The following NKAIN2 variants were observed in gnomAD, a reference collection of about 807,000 sequenced individuals.
The protein encoded by NKAIN2 is sodium/potassium-transporting ATPase subunit beta-1-interacting protein 2.
NKAIN2 carries 14 observed loss-of-function variants against 32.6 expected under a neutral mutation model. The ratio of observed to expected loss-of-function variants is 0.43; its 90% CI spans 0.28 to 0.67. NKAIN2 has a LOEUF of 0.67. NKAIN2 is among the 30% of genes least tolerant of loss of function. The probability of loss-of-function intolerance (pLI) is 0.17; values close to 1 mark genes in which losing one functional copy is unlikely to be tolerated. For synonymous variants in NKAIN2, 80 were observed against 87.2 expected (o/e 0.92, Z 0.46); for missense variants, 198 against 258.3 (o/e 0.77, Z 1.60).
rs753773570 is a variant in NKAIN2 at position 124,282,993 on chromosome 6, T to G, written c.55-12T>G. 2 of 1,613,536 alleles carry G rather than the reference T, an allele frequency of 1.2e-6. No individual in the cohort carries two copies. The highest frequency in any genetic ancestry group is 2.2e-5 in the South Asian group (2 of 91,066). ...CACATGCTGATCTGTCCATCCTGTT[T>G]TGCTATTCTAGGTTTGTGTGCTGGA... On this transcript the variant is annotated splice_polypyrimidine_tract_variant and intron_variant, in intron 1 of 6. Coordinates refer to ENST00000368417, the MANE Select transcript of NKAIN2 (RefSeq NM_001040214.3).
intron 1 of NKAIN2, among the ~76,000 whole-genome samples, chr6:124,073,594 A>AGG (rs1562342301): frequency 1.3e-5 from 2 of 152,096 alleles, no homozygotes; most frequent in African/African-American, 4.8e-5. Context: ...CCTTTCCACA[A>AGG]TAGGTATTTG....
At chr6:124,656,974 C>T (rs1431161046) in intron 3 of NKAIN2, among the ~76,000 whole-genome samples, 3 of 152,142 alleles carry the variant, frequency 2.0e-5, no homozygotes, top group Non-Finnish European at 4.4e-5. Context: ...CTTTTCTCAA[C>T]AGGCTTGCAA....
intron 1 of NKAIN2, among the ~76,000 whole-genome samples, chr6:123,858,867 G>C (rs572683324): frequency 6.6e-6 from 1 of 152,288 alleles, no homozygotes; most frequent in South Asian, 2.1e-4. Flanking sequence ...ATGGTGATGG[G>C]AATGGATCTG....
At chr6:124,290,399 T>G (rs1795747763) in intron 2 of NKAIN2, among the ~76,000 whole-genome samples, 1 of 152,064 alleles carries the variant, frequency 6.6e-6, no homozygotes, top group African/African-American at 2.4e-5. Context: ...GATTATGTAG[T>G]TTTTTTAATC....
intron 4 of NKAIN2, among the ~76,000 whole-genome samples, chr6:124,714,498 G>A (rs1454784182): frequency 6.6e-6 from 1 of 152,128 alleles, no homozygotes; most frequent in Admixed American, 6.5e-5. Flanking sequence ...AAAGCCTTTT[G>A]TCTATTCTTG....
chr6:124,559,950 A>T (rs903230502), intron 3 of NKAIN2, among the ~76,000 whole-genome samples: 4 of 135,396 alleles, frequency 3.0e-5, no homozygotes, highest in African/African-American at 1.1e-4. Context: ...ACTTCGGCTT[A>T]TGTTATCTCA....
intron 1 of NKAIN2, among the ~76,000 whole-genome samples, chr6:124,238,121 C>T (rs2114760842): frequency 6.6e-6 from 1 of 151,954 alleles, no homozygotes; most frequent in East Asian, 1.9e-4. Context: ...TCAGCACCAC[C>T]TCATCATTTT....
chr6:124,698,036 A>G (rs1303711453), intron 4 of NKAIN2, among the ~76,000 whole-genome samples: 3 of 152,180 alleles, frequency 2.0e-5, no homozygotes, highest in African/African-American at 7.2e-5. Context: ...ATACACAGAG[A>G]CAGATGGATT....
In NKAIN2 at chr6:124,048,390, A is replaced by G. The variant is rs369154520; in HGVS notation, c.55-234615A>G. ...GGGTGGCTGAGATGGTTTCATGAATATAATAAATAAGAAGAAAGGCAAGGA... is the reference window on the plus strand; with the variant it reads ...GGGTGGCTGAGATGGTTTCATGAATGTAATAAATAAGAAGAAAGGCAAGGA... On this transcript the variant is annotated intron_variant, in intron 1 of 6. Transcript: ENST00000368417. 9.9e-5 allele frequency among the ~76,000 whole-genome samples: 15 copies of G among 152,152 alleles called. No individual in the cohort carries two copies. In the East Asian group the frequency reaches 2.9e-3, roughly 30 times the overall value.
At chr6:124,149,019 T>A (rs78220524) in intron 1 of NKAIN2, among the ~76,000 whole-genome samples, 1 of 152,300 alleles carries the variant, frequency 6.6e-6, no homozygotes, top group East Asian at 1.9e-4. Flanking sequence ...TGTGAAATGG[T>A]ATCTCATCAT....
chr6:123,864,078 ATTGC>A (rs1775892144), intron 1 of NKAIN2, among the ~76,000 whole-genome samples: 1 of 152,052 alleles, frequency 6.6e-6, no homozygotes, highest in African/African-American at 2.4e-5. Context: ...TTTTTTGTTG[ATTGC>A]TTGCTTGCTT....
chr6:124,543,387 A>G (rs1779977854), intron 3 of NKAIN2, among the ~76,000 whole-genome samples: 1 of 152,174 alleles, frequency 6.6e-6, no homozygotes, highest in South Asian at 2.1e-4. Flanking sequence ...CTAATTGCCT[A>G]CAGGCTTAAT....
At chr6:124,473,999 A>G (rs1447951764) in intron 3 of NKAIN2, among the ~76,000 whole-genome samples, 1 of 152,198 alleles carries the variant, frequency 6.6e-6, no homozygotes, top group Non-Finnish European at 1.5e-5. Flanking sequence ...ATATGAGTTA[A>G]CTTCAAAATC....
intron 1 of NKAIN2, among the ~76,000 whole-genome samples, chr6:123,972,980 A>G (rs1325456585): frequency 6.6e-6 from 1 of 152,158 alleles, no homozygotes; most frequent in Non-Finnish European, 1.5e-5. Context: ...TACTATCAAA[A>G]TTAAAGAGTA....
At chr6:124,032,728 A>AT (rs1312135946) in intron 1 of NKAIN2, among the ~76,000 whole-genome samples, 6 of 151,998 alleles carry the variant, frequency 3.9e-5, no homozygotes, top group Non-Finnish European at 7.4e-5. Context: ...ACATTATTTT[A>AT]TTTTTTTCCA....
At chr6:124,620,694 T>C (rs1053387191) in intron 3 of NKAIN2, among the ~76,000 whole-genome samples, 1 of 152,202 alleles carries the variant, frequency 6.6e-6, no homozygotes, top group African/African-American at 2.4e-5. Context: ...TATGGAACAC[T>C]AAGCTTTTTA....
At chr6:124,199,480 CTTTG>C (rs555640979) in intron 1 of NKAIN2, among the ~76,000 whole-genome samples, 3 of 152,136 alleles carry the variant, frequency 2.0e-5, no homozygotes, top group East Asian at 1.9e-4. Context: ...TGCTTCCTTT[CTTTG>C]TTTGACATCT....
In NKAIN2 at chr6:124,670,618, C is replaced by T. The variant is rs952558865; in HGVS notation, c.474+12232C>T. Among the ~76,000 whole-genome samples the T allele has an allele frequency of 4.7e-5, 7 of 148,334 alleles. No homozygotes were observed. In the South Asian group the frequency reaches 1.3e-3, roughly 27 times the overall value. ...GCACAATTAAATATATCTGCAAGAACATTTACCTGAGATTAATCTTTGCTT... is the reference window on the plus strand; with the variant it reads ...GCACAATTAAATATATCTGCAAGAATATTTACCTGAGATTAATCTTTGCTT... On this transcript the variant is annotated intron_variant, in intron 4 of 6. Coordinates refer to ENST00000368417, the MANE Select transcript of NKAIN2 (RefSeq NM_001040214.3).
chr6:124,059,240 A>G (rs1027172216), intron 1 of NKAIN2, among the ~76,000 whole-genome samples: 3 of 152,126 alleles, frequency 2.0e-5, no homozygotes, highest in Non-Finnish European at 2.9e-5. Context: ...ATCCAGACCC[A>G]TTCTCTACAA....
Sources: allele counts gnomAD v4.1 joint callset (sites outside exome capture counted in the v4.1 genomes callset), GRCh38; gene constraint gnomAD v4.1.1; transcripts MANE v1.5; gene names NCBI Gene and HGNC (gene_info 2026-07-23, HGNC 2026-07-21).